The following PLCG2 variants were observed in gnomAD, a reference collection of about 807,000 sequenced individuals.
PLCG2 encodes the protein phospholipase C gamma 2.
PLCG2 carries 69 observed loss-of-function variants against 175.6 expected under a neutral mutation model. The ratio of observed to expected loss-of-function variants is 0.39; its 90% confidence interval spans 0.32 to 0.48. PLCG2 has a LOEUF of 0.48. PLCG2 is among the 20% of genes least tolerant of loss of function. The pLI, the probability that PLCG2 is intolerant of heterozygous loss-of-function variation, is 0.91. For synonymous variants in PLCG2, 827 were observed against 624.0 expected (o/e 1.33, Z -4.85); for missense variants, 1,798 against 1,650.9 (o/e 1.09, Z -1.54).
At chr16:81,906,139 G>T (rs1272516276) in intron 15 of PLCG2, 1 of 152,060 alleles carries the variant, frequency 6.6e-6, no homozygotes, top group African/African-American at 2.4e-5. Context: ...ATTAACATTG[G>T]TACAATACTA....
chr16:81,799,739 C>CCCG (rs1454626527), intron 2 of PLCG2, among the ~76,000 whole-genome samples: 1 of 152,032 alleles, frequency 6.6e-6, no homozygotes, highest in Non-Finnish European at 1.5e-5. Context: ...ACTACAGGCG[C>CCCG]CCGCCACCAC....
chr16:81,881,872 GA>G (rs1908098389), intron 8 of PLCG2, among the ~76,000 whole-genome samples: 2 of 150,376 alleles, frequency 1.3e-5, no homozygotes, highest in African/African-American at 4.9e-5. Flanking sequence ...GTCTGGTGTT[GA>G]ACTCATGACC....
At chr16:81,792,808 A>G (rs1048230232) in intron 2 of PLCG2, among the ~76,000 whole-genome samples, 4 of 152,120 alleles carry the variant, frequency 2.6e-5, no homozygotes, top group South Asian at 2.1e-4. Context: ...CCTATGACAC[A>G]TGAGGATTAT....
At position 81,928,972 on chromosome 16, in the gene PLCG2, G is replaced by A. The variant is rs559781995; in HGVS notation, c.2581+348G>A. 10 of 247,232 alleles carry A rather than the reference G, an allele frequency of 4.0e-5. No individual in the cohort carries two copies. The South Asian group carries it at 4.9e-4, about 12-fold the overall frequency. 15.3% of individuals were successfully genotyped at this position (247,232 alleles called of 1,614,324 possible). A position where few individuals can be genotyped will look rare whatever the true frequency, so the allele number is the denominator to read the frequency against. On this transcript the variant is annotated intron_variant, in intron 24 of 32. Coordinates refer to ENST00000564138, the MANE Select transcript of PLCG2 (RefSeq NM_002661.5). ...GCTGTCAGCCTGGCTGAAATGCAGC[G>A]TGGAGTTGGGAGTCTTGGGTTCTAA...
intron 19 of PLCG2, among the ~76,000 whole-genome samples, chr16:81,917,047 C>T (rs1411777388): frequency 6.6e-6 from 1 of 152,152 alleles, no homozygotes; most frequent in Non-Finnish European, 1.5e-5. Flanking sequence ...CCCCAACACT[C>T]CCTACCTCCC....
At chr16:81,818,714 C>T (rs900076784) in intron 2 of PLCG2, among the ~76,000 whole-genome samples, 1 of 151,916 alleles carries the variant, frequency 6.6e-6, no homozygotes, top group African/African-American at 2.4e-5. Flanking sequence ...GAAATAACTT[C>T]CATCATGATG....
intron 2 of PLCG2, among the ~76,000 whole-genome samples, chr16:81,813,099 C>G (rs1597333029): frequency 6.6e-6 from 1 of 152,208 alleles, no homozygotes; most frequent in African/African-American, 2.4e-5. Flanking sequence ...AGTTTGAAGT[C>G]AGGTAGCATG....
chr16:81,780,050 G>A (rs1910660236), intron 1 of PLCG2, among the ~76,000 whole-genome samples: 1 of 152,212 alleles, frequency 6.6e-6, no homozygotes, highest in Non-Finnish European at 1.5e-5. Flanking sequence ...TCAGGTTAAA[G>A]ACGTGCCCCG....
At chr16:81,887,499 G>T (rs1597108816) in intron 9 of PLCG2, among the ~76,000 whole-genome samples, 1 of 152,190 alleles carries the variant, frequency 6.6e-6, no homozygotes, top group East Asian at 1.9e-4. Context: ...ATTCAAATGA[G>T]CTTGTAGTTT....
Position 81,792,776 on chromosome 16 carries a change from A to G in PLCG2, c.193+6594A>G, listed in dbSNP as rs193054638. Among the ~76,000 whole-genome samples, 1,199 of 152,204 alleles carry G rather than the reference A, an allele frequency of 7.9e-3. 19 individuals are homozygous for G. Among genetic ancestry groups the G allele is most frequent in the African/African-American group, 0.027 (1,140 of 41,532 alleles). ...ATGGAGGTAACCGGCCCTATGATTC[A>G]ATTACCTCCCACTGGGTCCCTCCTA... On this transcript the variant is annotated intron_variant, in intron 2 of 32. Coordinates refer to ENST00000564138, the MANE Select transcript of PLCG2 (RefSeq NM_002661.5).
At chr16:81,758,618 A>G (rs1197984086) in intron 2 of PLCG2, among the ~76,000 whole-genome samples, 1 of 151,790 alleles carries the variant, frequency 6.6e-6, no homozygotes, top group Non-Finnish European at 1.5e-5. Flanking sequence ...TCCCACCAGC[A>G]GTGTAGGAAG....
At chr16:81,849,771 CAAAAAAAAA>C (rs34130863) in intron 2 of PLCG2, among the ~76,000 whole-genome samples, 2 of 83,152 alleles carry the variant, frequency 2.4e-5, no homozygotes, top group Non-Finnish European at 4.2e-5. Flanking sequence ...AACTCTGTCT[CAAAAAAAAA>C]AAAAAAAAAA....
chr16:81,810,302 C>G (rs1198722031), intron 2 of PLCG2, among the ~76,000 whole-genome samples: 1 of 152,222 alleles, frequency 6.6e-6, no homozygotes, highest in Non-Finnish European at 1.5e-5. Context: ...CTCTCCTATC[C>G]CAGACGACTC....
At chr16:81,778,392 C>G (rs1910552536), upstream of PLCG2, among the ~76,000 whole-genome samples, 1 of 152,086 alleles carries the variant, frequency 6.6e-6, no homozygotes, top group African/African-American at 2.4e-5. Context: ...AGCTATAACT[C>G]AAGCAACTTG....
chr16:81,939,829 G>A, intron 29 of PLCG2, 63 bp from the exon 30 acceptor site: 1 of 1,109,386 alleles, frequency 9.0e-7, no homozygotes. Context: ...AGGATGCGGA[G>A]ATTGTCTTAC....
intron 2 of PLCG2, among the ~76,000 whole-genome samples, chr16:81,765,162 C>T (rs1910120595): frequency 6.6e-6 from 1 of 152,204 alleles, no homozygotes; most frequent in South Asian, 2.1e-4. Context: ...GAGACATGCA[C>T]AGAGGGAAGA....
At chr16:81,864,054 C>A (rs1363746741) in intron 5 of PLCG2, among the ~76,000 whole-genome samples, 1 of 152,154 alleles carries the variant, frequency 6.6e-6, no homozygotes, top group Non-Finnish European at 1.5e-5. Context: ...AAATAAGATT[C>A]TTCTGTGAAG....
At chr16:81,899,993 T>C (rs796272589) in intron 13 of PLCG2, among the ~76,000 whole-genome samples, 5 of 152,296 alleles carry the variant, frequency 3.3e-5, no homozygotes, top group African/African-American at 1.2e-4. Flanking sequence ...TTATGAACCA[T>C]AACCCCAATA....
chr16:81,873,186 A>G (rs1234844065), intron 7 of PLCG2, among the ~76,000 whole-genome samples: 4 of 152,330 alleles, frequency 2.6e-5, no homozygotes, highest in African/African-American at 9.6e-5. Context: ...TGACCAAGTA[A>G]TGTTGGGGGA....
Sources: allele counts gnomAD v4.1 joint callset (sites outside exome capture counted in the v4.1 genomes callset), GRCh38; gene constraint gnomAD v4.1.1; transcripts MANE v1.5; gene names NCBI Gene and HGNC (gene_info 2026-07-23, HGNC 2026-07-21).